DSG2: variants seen among roughly 807,000 people sequenced by gnomAD.
DSG2 encodes the protein desmoglein-2.
In DSG2, 45 loss-of-function variants were observed where a neutral mutation model predicts 75.6. The ratio of observed to expected loss-of-function variants is 0.60; its 90% confidence interval spans 0.47 to 0.76. DSG2 has a LOEUF of 0.76. DSG2 is among the 30% of genes least tolerant of loss of function. The probability of loss-of-function intolerance (pLI) is 0.00; values close to 1 mark genes in which losing one functional copy is unlikely to be tolerated. For synonymous variants in DSG2, 429 were observed against 483.9 expected, an observed-to-expected ratio of 0.89 and a Z score of 1.49; for missense variants, 1,267 against 1,357.4, an observed-to-expected ratio of 0.93 and a Z score of 1.05.
intron 8 of DSG2, among the ~76,000 whole-genome samples, chr18:31,530,587 T>C (rs2073189834): frequency 6.6e-6 from 1 of 152,034 alleles, no homozygotes; most frequent in East Asian, 1.9e-4. Context: ...ACAGCTAATT[T>C]TTGTATTTTT....
chr18:31,524,386 C>G (rs551742674), intron 6 of DSG2, 62 bp from the exon 7 acceptor site: 21 of 1,611,690 alleles, frequency 1.3e-5, no homozygotes, highest in Middle Eastern at 1.7e-4. Context: ...GGACTAAAAC[C>G]AGAAAGCCAG....
At chr18:31,526,443 T>C (rs2073163473) in intron 8 of DSG2, among the ~76,000 whole-genome samples, 1 of 152,210 alleles carries the variant, frequency 6.6e-6, no homozygotes, top group African/African-American at 2.4e-5. Context: ...ACAGCTACTA[T>C]ATGCATTTAA....
At chr18:31,502,132 T>G (rs1410729214) in intron 1 of DSG2, among the ~76,000 whole-genome samples, 1 of 152,190 alleles carries the variant, frequency 6.6e-6, no homozygotes, top group Non-Finnish European at 1.5e-5. Flanking sequence ...TTAAGGCAAG[T>G]ACTTTACAAA....
At chr18:31,499,661 G>C (rs1034395396) in intron 1 of DSG2, among the ~76,000 whole-genome samples, 1 of 152,086 alleles carries the variant, frequency 6.6e-6, no homozygotes, top group African/African-American at 2.4e-5. Flanking sequence ...CTTGTTTAAG[G>C]AGAATCCCAA....
chr18:31,508,449 A>G (rs2073050302), intron 1 of DSG2, among the ~76,000 whole-genome samples: 1 of 151,872 alleles, frequency 6.6e-6, no homozygotes, highest in Admixed American at 6.6e-5. Context: ...GCTGGAGTGC[A>G]GTGGCGCCAT....
In DSG2 at chr18:31,546,367, C is replaced by T; in HGVS notation, c.2981C>T (p.Pro994Leu). 1.2e-6 allele frequency: 2 copies of T among 1,613,934 alleles called. No individual in the cohort carries two copies. The highest frequency in any genetic ancestry group is 1.7e-6 in the Non-Finnish European group (2 of 1,179,906). ...TVVVTERVIQPHGGGSNPLEG... is the reference protein window; with the variant it reads ...TVVVTERVIQLHGGGSNPLEG... ...GTGGTCACTGAAAGAGTAATACAGC[C>T]TCATGGGGGTGGATCGAATCCTCTG... Residue 994 changes from proline (P) to leucine (L), a missense_variant, in exon 15 of 15, where the codon CCT becomes CTT. Pro to Leu is a moderately conservative substitution (Grantham distance 98). Coordinates refer to ENST00000261590, the MANE Select transcript of DSG2 (RefSeq NM_001943.5).
At chr18:31,502,323 G>T (rs983076343) in intron 1 of DSG2, among the ~76,000 whole-genome samples, 2 of 152,130 alleles carry the variant, frequency 1.3e-5, no homozygotes, top group African/African-American at 4.8e-5. Flanking sequence ...TGTCAGACAA[G>T]TGTAAGCGTG....
chr18:31,503,834 C>A (rs2144287309), intron 1 of DSG2, among the ~76,000 whole-genome samples: 1 of 152,202 alleles, frequency 6.6e-6, no homozygotes, highest in East Asian at 1.9e-4. Context: ...TTTTGGTTGT[C>A]ACAGTGCCTG....
rs2073325678 is a variant in DSG2, at chr18:31,547,812, TATAGTA to T, written c.*1076_*1081del. ...ATAAGTATAAAATAATTTTACTTCT[TATAGTA>T]ATAGTATACTTTAAAAAGCCTCAGG... On this transcript the variant is annotated 3_prime_UTR_variant, in exon 15 of 15. Coordinates refer to ENST00000261590, the MANE Select transcript of DSG2 (RefSeq NM_001943.5). The T allele has an allele frequency of 6.6e-6, 1 of 152,236 alleles. No homozygotes were observed. The highest frequency in any genetic ancestry group is 2.4e-5 in the African/African-American group (1 of 41,460). 9.4% of individuals were successfully genotyped at this position (152,236 alleles called of 1,614,324 possible). A position where few individuals can be genotyped will look rare whatever the true frequency, so the allele number is the denominator to read the frequency against.
At position 31,521,214 on chromosome 18, in the gene DSG2, T is replaced by C. The variant is rs1045381049; in HGVS notation, c.494T>C (p.Val165Ala). ...NEPVFTQDVFVGSVEELSAAH... is the reference protein window; with the variant it reads ...NEPVFTQDVFAGSVEELSAAH... ...CCAGTGTTCACACAGGATGTCTTTG[T>C]TGGGTCTGTTGAAGAGTTGAGTGCA... is the stretch of plus-strand genomic sequence containing the variant. Residue 165 changes from valine (V) to alanine (A), a missense_variant, in exon 5 of 15, where the codon GTT (valine) becomes GCT (alanine). Coordinates refer to ENST00000261590, the MANE Select transcript of DSG2 (RefSeq NM_001943.5). The C allele has an allele frequency of 6.2e-7, 1 of 1,613,794 alleles. No homozygotes were observed. The highest frequency in any genetic ancestry group is 8.5e-7 in the Non-Finnish European group (1 of 1,179,874).
intron 13 of DSG2, 71 bp downstream of exon 13, chr18:31,541,385 T>C: frequency 6.3e-7 from 1 of 1,582,702 alleles, no homozygotes; most frequent in African/African-American, 1.3e-5. Context: ...AAGTGTTTCT[T>C]ACATGTTTGG....
chr18:31,515,452 G>A (rs111542873), intron 1 of DSG2, among the ~76,000 whole-genome samples: 1,954 of 152,194 alleles, frequency 0.013, 50 homozygotes, highest in African/African-American at 0.046. Flanking sequence ...TGGACACTGG[G>A]ACCTCTCTGA....
At chr18:31,519,764 T>C in intron 2 of DSG2, 39 bp from the exon 3 acceptor site, 1 of 1,600,196 alleles carries the variant, frequency 6.2e-7, no homozygotes, top group Non-Finnish European at 8.6e-7. Flanking sequence ...TCTATATTTA[T>C]GACACATAAT....
In DSG2 at chr18:31,541,303, C is replaced by T; in HGVS notation, c.1990C>T (p.Pro664Ser). The T allele has an allele frequency of 6.2e-7, 1 of 1,614,062 alleles. No individual in the cohort carries two copies. Among genetic ancestry groups the T allele is most frequent in the African/African-American group, 1.3e-5 (1 of 75,032 alleles). The change falls in exon 13 of 15, where the codon CCT becomes TCT. Residue 664 changes from proline to serine, a missense_variant. Pro to Ser is a moderately conservative substitution (Grantham distance 74). Coordinates refer to ENST00000261590, the MANE Select transcript of DSG2 (RefSeq NM_001943.5). ...TCCTTGGAATAATGAAGGAGCACCACCTGAAGACAAGGTCAGTGGATCAGA... is the reference window on the plus strand; with the variant it reads ...TCCTTGGAATAATGAAGGAGCACCATCTGAAGACAAGGTCAGTGGATCAGA... Reference protein sequence around the residue: ...LHPWNNEGAPPEDKVVPSFLP... With the variant: ...LHPWNNEGAPSEDKVVPSFLP...
chr18:31,517,136 G>A (rs1045492174), intron 1 of DSG2, among the ~76,000 whole-genome samples: 1 of 152,182 alleles, frequency 6.6e-6, no homozygotes, highest in East Asian at 1.9e-4. Flanking sequence ...TGGAAGTGGA[G>A]GTCATTATGT....
At chr18:31,519,153 G>T (rs530703361) in intron 2 of DSG2, among the ~76,000 whole-genome samples, 2 of 152,092 alleles carry the variant, frequency 1.3e-5, no homozygotes, top group African/African-American at 4.8e-5. Flanking sequence ...AAGAAAAAAC[G>T]TTTTTGACAT....
At chr18:31,518,860 A>T (rs974814401) in intron 2 of DSG2, among the ~76,000 whole-genome samples, 6 of 152,208 alleles carry the variant, frequency 3.9e-5, no homozygotes, top group African/African-American at 1.4e-4. Context: ...TTAAGATCCC[A>T]GGTCAGCTGT....
chr18:31,533,266 C>T (rs756863689), intron 9 of DSG2, among the ~76,000 whole-genome samples: 16 of 152,148 alleles, frequency 1.1e-4, no homozygotes, highest in Non-Finnish European at 2.2e-4. Flanking sequence ...GCCAGGAGTT[C>T]AAGACCAACC....
chr18:31,536,357 G>A lies in DSG2; in HGVS notation c.1579G>A (p.Gly527Ser), dbSNP rs2073230847. The change falls in exon 11 of 15, where the codon GGC (glycine) becomes AGC (serine). Residue 527 changes from glycine (G) to serine (S), a missense_variant. Physicochemically the swap from Gly to Ser is moderately conservative, Grantham distance 56. Transcript: ENST00000261590. ...GGACCTGGATGGACACCCAAACAGTGGCCCTTTCAGTTTCTCCGTCATTGA... is the reference window on the plus strand; with the variant it reads ...GGACCTGGATGGACACCCAAACAGTAGCCCTTTCAGTTTCTCCGTCATTGA... ...AEDLDGHPNS[G>S]PFSFSVIDKP... The A allele has an allele frequency of 6.2e-7, 1 of 1,614,038 alleles. No homozygotes were observed. Among genetic ancestry groups the A allele is most frequent in the South Asian group, 1.1e-5 (1 of 91,086 alleles).
Sources: allele counts gnomAD v4.1 joint callset (sites outside exome capture counted in the v4.1 genomes callset), GRCh38; gene constraint gnomAD v4.1.1; transcripts MANE v1.5; gene names NCBI Gene and HGNC (gene_info 2026-07-23, HGNC 2026-07-21).